Variants in MYO16 observed in about 807,000 individuals in gnomAD.
MYO16 encodes myosin XVI.
In MYO16, 94 loss-of-function variants were observed where a neutral mutation model predicts 205.3. The ratio of observed to expected loss-of-function variants is 0.46; its 90% CI spans 0.39 to 0.54. The LOEUF (loss-of-function observed/expected upper bound fraction) is 0.54, where lower values mean the gene tolerates loss of function less well. Among genes scored for constraint, MYO16 ranks in the 20% least tolerant of loss-of-function variants. The pLI is 0.00. For synonymous variants in MYO16, 988 were observed against 954.0 expected (o/e 1.04, Z -0.66); for missense variants, 2,315 against 2,387.5 (o/e 0.97, Z 0.63).
At chr13:108,669,667 T>A (rs906646225) in intron 2 of MYO16, among the ~76,000 whole-genome samples, 2 of 152,206 alleles carry the variant, frequency 1.3e-5, no homozygotes, top group African/African-American at 4.8e-5. Flanking sequence ...GTTTTTTTAT[T>A]GTAAATTTGT....
At chr13:109,026,363 G>T (rs552915246) in intron 23 of MYO16, among the ~76,000 whole-genome samples, 1 of 152,272 alleles carries the variant, frequency 6.6e-6, no homozygotes, top group Admixed American at 6.5e-5. Flanking sequence ...AGGAGGCCAT[G>T]TGACCACGGG....
chr13:109,041,217 A>C (rs1467914451), intron 23 of MYO16, among the ~76,000 whole-genome samples: 1 of 152,212 alleles, frequency 6.6e-6, no homozygotes, highest in Non-Finnish European at 1.5e-5. Flanking sequence ...TCTAGATAAA[A>C]AGAAAGACAT....
intron 14 of MYO16, among the ~76,000 whole-genome samples, chr13:108,896,701 T>C (rs573427304): frequency 6.6e-6 from 1 of 152,198 alleles, no homozygotes; most frequent in East Asian, 1.9e-4. Flanking sequence ...GCGTGGTGGC[T>C]CATGCCTGTA....
At chr13:108,889,994 C>T (rs772824505) in intron 14 of MYO16, among the ~76,000 whole-genome samples, 7 of 152,040 alleles carry the variant, frequency 4.6e-5, no homozygotes, top group Non-Finnish European at 7.4e-5. Flanking sequence ...TACAGTGATA[C>T]GATCACCATT....
At chr13:108,553,096 G>A in the MYO16 span, among the ~76,000 whole-genome samples, 443 of 122,140 alleles carry the variant, frequency 3.6e-3, 7 homozygotes, top group South Asian at 0.06. Context: ...TCAACTCATT[G>A]CAACCTCTGC....
At chr13:108,956,631 T>C (rs1277773524) in intron 16 of MYO16, among the ~76,000 whole-genome samples, 1 of 152,244 alleles carries the variant, frequency 6.6e-6, no homozygotes, top group Non-Finnish European at 1.5e-5. Flanking sequence ...TTTCCCCGTA[T>C]GCATCATGCT....
In MYO16 at chr13:109,127,583, C is replaced by T. The variant is rs765298298; in HGVS notation, c.4051+33C>T. 4 of 1,597,428 alleles carry T rather than the reference C, an allele frequency of 2.5e-6. No individual in the cohort carries two copies. The Admixed American group carries it at 6.7e-5, about 27-fold the overall frequency. On this transcript the variant is annotated intron_variant, in intron 31 of 34. Transcript: ENST00000457511. This position sits in a 1 kb window ranked among gnomAD's most constrained non-coding sequence, Gnocchi z 4.2. ...CTGGGGAGGGACCCAGCCTCGTGTTCCGGGCTCGCGCATGCTCTGACTTCG... is the reference window on the plus strand; with the variant it reads ...CTGGGGAGGGACCCAGCCTCGTGTTTCGGGCTCGCGCATGCTCTGACTTCG...
intron 2 of MYO16, among the ~76,000 whole-genome samples, chr13:108,704,162 A>T (rs2139526615): frequency 6.6e-6 from 1 of 152,314 alleles, no homozygotes; most frequent in South Asian, 2.1e-4. Flanking sequence ...TAGCCATCCG[A>T]GGTATCTTGT....
At chr13:108,522,573 C>T in the MYO16 span, among the ~76,000 whole-genome samples, 8 of 152,146 alleles carry the variant, frequency 5.3e-5, no homozygotes, top group South Asian at 1.7e-3. Flanking sequence ...TTATTGACTC[C>T]CATAAATCTT....
chr13:108,628,574 G>A (rs1490057131), upstream of MYO16, among the ~76,000 whole-genome samples: 2 of 152,152 alleles, frequency 1.3e-5, no homozygotes, highest in African/African-American at 4.8e-5. Flanking sequence ...ACATCAGGCT[G>A]TTCTGTGCGA....
chr13:108,979,117 A>G (rs1181260158), intron 20 of MYO16, among the ~76,000 whole-genome samples: 2 of 152,122 alleles, frequency 1.3e-5, no homozygotes, highest in Non-Finnish European at 2.9e-5. Context: ...TTCAAGAATC[A>G]TATTTTCATT....
intron 6 of MYO16, among the ~76,000 whole-genome samples, chr13:108,798,851 G>A (rs1462568589): frequency 4.1e-5 from 6 of 146,308 alleles, no homozygotes; most frequent in African/African-American, 1.0e-4. Context: ...GACTACAGGC[G>A]CCCGCCACCG....
chr13:108,716,292 T>A (rs577238387), intron 3 of MYO16, among the ~76,000 whole-genome samples: 17 of 152,286 alleles, frequency 1.1e-4, no homozygotes, highest in African/African-American at 3.6e-4. Flanking sequence ...TCATAAATGG[T>A]AGCATCTGAA....
intron 7 of MYO16, among the ~76,000 whole-genome samples, chr13:108,816,204 A>G (rs998449253): frequency 1.3e-5 from 2 of 152,148 alleles, no homozygotes; most frequent in African/African-American, 2.4e-5. Flanking sequence ...TAATATTATG[A>G]TGAACTTTGA....
At chr13:108,609,091 A>G (rs1453647185) in intron 1 of MYO16, among the ~76,000 whole-genome samples, 2 of 152,198 alleles carry the variant, frequency 1.3e-5, no homozygotes, top group Non-Finnish European at 2.9e-5. Context: ...TTCCATAGGC[A>G]GGTTCAGCTC....
chr13:108,561,050 T>C, the MYO16 span, among the ~76,000 whole-genome samples: 1 of 152,222 alleles, frequency 6.6e-6, no homozygotes, highest in South Asian at 2.1e-4. Context: ...CTGTCTTTTC[T>C]TACTCATGAT....
chr13:108,844,642 A>G, intron 10 of MYO16, 149 bp downstream of exon 10: 1 of 800,244 alleles, frequency 1.2e-6, no homozygotes, highest in Non-Finnish European at 1.8e-6. Context: ...CAGTTTTCAT[A>G]AACAATTAGT....
chr13:108,677,356 C>CATATATATATATATATATGCAT (rs200135645), intron 2 of MYO16, among the ~76,000 whole-genome samples: 7 of 98,544 alleles, frequency 7.1e-5, no homozygotes, highest in South Asian at 2.8e-4. Context: ...TATATATATG[C>CATATATATATATATATATGCAT]ATATATATAT....
chr13:108,952,046 G>A (rs1422206324), intron 16 of MYO16, among the ~76,000 whole-genome samples: 1 of 151,938 alleles, frequency 6.6e-6, no homozygotes, highest in Non-Finnish European at 1.5e-5. Flanking sequence ...GGGAGGCGGA[G>A]GTTGCAGTGA....
Sources: gnomAD v4.1 joint callset for allele counts (sites outside exome capture counted in the v4.1 genomes callset) on GRCh38, gnomAD v4.1.1 for gene constraint, Gnocchi (gnomAD v3.1) non-coding constraint, MANE v1.5 for transcripts, NCBI Gene and HGNC (gene_info 2026-07-23, HGNC 2026-07-21) for gene names.